XKR6: variants seen among roughly 807,000 people sequenced by gnomAD.
XKR6 encodes XK-related protein 6.
Under a neutral mutation model 56.7 loss-of-function variants are expected in XKR6, and 22 were observed. That is an observed-to-expected ratio of 0.39 (90% CI 0.28 to 0.55). The LOEUF (loss-of-function observed/expected upper bound fraction) is 0.55, where lower values mean the gene tolerates loss of function less well. Ranked by LOEUF, XKR6 falls within the 20% of genes least tolerant of loss-of-function variation. The probability of loss-of-function intolerance (pLI) is 0.66; values close to 1 mark genes in which losing one functional copy is unlikely to be tolerated. For missense variants in XKR6, 852 were observed against 889.0 expected (o/e 0.96, Z 0.53); for synonymous variants, 524 against 387.8 (o/e 1.35, Z -4.13).
rs542669417 is a variant in XKR6 at position 11,002,080 on chromosome 8, A to C, written c.765-77250T>G. 3.7e-3 allele frequency among the ~76,000 whole-genome samples: 532 copies of C among 142,724 alleles called. 1 individual carries two copies. The highest frequency in any genetic ancestry group is 5.8e-3 in the Non-Finnish European group (376 of 64,854). 93.6% of individuals were successfully genotyped at this position (142,724 alleles called of 152,430 possible). ...CCATGTGAGTTAAAAAAAAAAAAAA[A>C]ACACACAAAAAACCTCCTTCCAGGT... On this transcript the variant is annotated intron_variant, in intron 1 of 2. Transcript: ENST00000416569.
intron 1 of XKR6, among the ~76,000 whole-genome samples, chr8:11,090,475 T>C (rs1798030936): frequency 6.6e-6 from 1 of 151,990 alleles, no homozygotes. Flanking sequence ...GTCCTGGCAA[T>C]GACACCAGCA....
intron 2 of XKR6, among the ~76,000 whole-genome samples, chr8:10,912,281 G>C (rs1160729474): frequency 9.5e-6 from 1 of 105,184 alleles, no homozygotes; most frequent in African/African-American, 3.5e-5. Flanking sequence ...GAAATGGTGT[G>C]TATATACATA....
chr8:11,052,804 G>A (rs939440661), intron 1 of XKR6, among the ~76,000 whole-genome samples: 2 of 151,594 alleles, frequency 1.3e-5, no homozygotes, highest in African/African-American at 4.9e-5. Context: ...ACCTCTAGAG[G>A]GCTCGTTAGG....
intron 1 of XKR6, among the ~76,000 whole-genome samples, chr8:11,090,641 G>A (rs1419581820): frequency 6.6e-6 from 1 of 152,132 alleles, no homozygotes; most frequent in East Asian, 1.9e-4. Context: ...TGCTAATAAG[G>A]TTGAACATCT....
intron 1 of XKR6, among the ~76,000 whole-genome samples, chr8:11,024,252 T>TGTGTGTGTGTGA: frequency 7.0e-6 from 1 of 143,750 alleles, no homozygotes; most frequent in East Asian, 2.0e-4. Flanking sequence ...TGTGTGTGTG[T>TGTGTGTGTGTGA]GATTCTCCAT....
intron 1 of XKR6, among the ~76,000 whole-genome samples, chr8:10,932,320 C>T (rs1232339482): frequency 6.6e-6 from 1 of 152,184 alleles, no homozygotes; most frequent in African/African-American, 2.4e-5. Context: ...GTTAAACATA[C>T]TCTCCACATA....
chr8:10,937,671 C>A (rs1433140249), intron 1 of XKR6, among the ~76,000 whole-genome samples: 2 of 148,948 alleles, frequency 1.3e-5, no homozygotes, highest in Admixed American at 1.3e-4. Flanking sequence ...TGTGAGGTGT[C>A]AGTGTGCCCC....
At chr8:11,116,639 GGGATTACAGGCA>G (rs2129181781) in intron 1 of XKR6, among the ~76,000 whole-genome samples, 1 of 152,252 alleles carries the variant, frequency 6.6e-6, no homozygotes, top group Admixed American at 6.5e-5. Context: ...CCAAAGTGCT[GGGATTACAGGCA>G]GGAGCCACTA....
chr8:11,084,173 T>G (rs1797811672), intron 1 of XKR6, among the ~76,000 whole-genome samples: 1 of 152,228 alleles, frequency 6.6e-6, no homozygotes, highest in Admixed American at 6.5e-5. Flanking sequence ...CTTCCCACAG[T>G]TTGGTTTATC....
chr8:11,181,733 T>G (rs59340759), intron 1 of XKR6, among the ~76,000 whole-genome samples: 10,831 of 152,256 alleles, frequency 0.071, 1,175 homozygotes, highest in African/African-American at 0.23. Flanking sequence ...GCTGTTAATA[T>G]CTAACATTCA....
intron 1 of XKR6, among the ~76,000 whole-genome samples, chr8:11,151,302 A>T (rs1346809849): frequency 1.3e-5 from 2 of 152,218 alleles, no homozygotes; most frequent in Non-Finnish European, 1.5e-5. Context: ...ACCCAAGTTC[A>T]TGTATACTAA....
At chr8:10,961,008 G>A (rs899144116) in intron 1 of XKR6, among the ~76,000 whole-genome samples, 2 of 152,170 alleles carry the variant, frequency 1.3e-5, no homozygotes, top group Non-Finnish European at 2.9e-5. Flanking sequence ...AACACTGAGT[G>A]AGGAGGAACC....
At chr8:11,119,840 G>A (rs1370931100) in intron 1 of XKR6, among the ~76,000 whole-genome samples, 1 of 152,160 alleles carries the variant, frequency 6.6e-6, no homozygotes, top group Admixed American at 6.5e-5. Flanking sequence ...TATCCACCAT[G>A]ATCAAGTGGG....
At chr8:11,098,252 A>G (rs1171724185) in intron 1 of XKR6, among the ~76,000 whole-genome samples, 1 of 151,898 alleles carries the variant, frequency 6.6e-6, no homozygotes, top group Non-Finnish European at 1.5e-5. Context: ...ACACACACAC[A>G]CGCATGCACA....
At chr8:10,921,493 C>T (rs895163359) in intron 2 of XKR6, among the ~76,000 whole-genome samples, 5 of 152,158 alleles carry the variant, frequency 3.3e-5, no homozygotes, top group South Asian at 2.1e-4. Context: ...CTTATGTGCC[C>T]GTGGAGTTTG....
At chr8:10,975,870 G>C (rs1209022062) in intron 1 of XKR6, among the ~76,000 whole-genome samples, 1 of 152,110 alleles carries the variant, frequency 6.6e-6, no homozygotes, top group Non-Finnish European at 1.5e-5. Context: ...CTCCCTCATG[G>C]GAACACGGAG....
chr8:11,016,243 G>A (rs570738392), intron 1 of XKR6, among the ~76,000 whole-genome samples: 19 of 152,192 alleles, frequency 1.2e-4, no homozygotes, highest in Non-Finnish European at 2.1e-4. Flanking sequence ...CTGACGCGGA[G>A]GTTGGCCGGG....
At position 11,177,263 on chromosome 8, in the gene XKR6, G is replaced by C. The variant is rs112988422; in HGVS notation, c.764+23313C>G. ...TCTCCTATAGCGAAGCTGTAGATTT[G>C]CCAACATTATGACCTGCATTACAGT... On this transcript the variant is annotated intron_variant, in intron 1 of 2. Coordinates refer to ENST00000416569, the MANE Select transcript of XKR6 (RefSeq NM_173683.4). Among the ~76,000 whole-genome samples the C allele has an allele frequency of 2.0e-3, 312 of 152,286 alleles. 1 individual carries two copies. Among genetic ancestry groups the C allele is most frequent in the African/African-American group, 7.1e-3 (297 of 41,570 alleles).
chr8:11,161,592 G>A (rs1338347324), intron 1 of XKR6, among the ~76,000 whole-genome samples: 1 of 152,134 alleles, frequency 6.6e-6, no homozygotes, highest in Non-Finnish European at 1.5e-5. Flanking sequence ...TTTAGTGCCT[G>A]GCAGTTCTTT....
Sources: gnomAD v4.1 joint callset for allele counts (sites outside exome capture counted in the v4.1 genomes callset) on GRCh38, gnomAD v4.1.1 for gene constraint, MANE v1.5 for transcripts, NCBI Gene and HGNC (gene_info 2026-07-23, HGNC 2026-07-21) for gene names.